The following ADGRB3 variants were observed in gnomAD, a reference collection of about 807,000 sequenced individuals.
ADGRB3 encodes adhesion G protein-coupled receptor B3.
ADGRB3 carries 37 observed loss-of-function variants against 193.4 expected under a neutral mutation model. That is an observed-to-expected ratio of 0.19 (90% CI 0.15 to 0.25). The LOEUF (loss-of-function observed/expected upper bound fraction) is 0.25. Ranked by LOEUF, ADGRB3 falls within the 10% of genes least tolerant of loss-of-function variation. The pLI, the probability that ADGRB3 is intolerant of heterozygous loss-of-function variation, is 1.00. For missense variants in ADGRB3, 1,637 were observed against 1,852.9 expected, an observed-to-expected ratio of 0.88 and a Z score of 2.14; for synonymous variants, 690 against 644.2, an observed-to-expected ratio of 1.07 and a Z score of -1.08.
At chr6:69,344,821 T>C (rs1349767623) in intron 26 of ADGRB3, among the ~76,000 whole-genome samples, 2 of 151,978 alleles carry the variant, frequency 1.3e-5, no homozygotes, top group Middle Eastern at 3.4e-3. Context: ...AACAATGAGG[T>C]TGGAAGATTA....
At chr6:68,876,342 A>G (rs1320782585) in intron 3 of ADGRB3, among the ~76,000 whole-genome samples, 2 of 152,138 alleles carry the variant, frequency 1.3e-5, no homozygotes, top group Non-Finnish European at 2.9e-5. Flanking sequence ...CAAAGAGATG[A>G]TCAGGCTGTG....
At chr6:68,879,684 T>C (rs1254217821) in intron 3 of ADGRB3, among the ~76,000 whole-genome samples, 2 of 152,184 alleles carry the variant, frequency 1.3e-5, no homozygotes, top group African/African-American at 4.8e-5. Context: ...GAACTTTCTT[T>C]GTTGCAACAT....
chr6:69,199,482 G>T (rs1434178744), intron 17 of ADGRB3, among the ~76,000 whole-genome samples: 1 of 152,014 alleles, frequency 6.6e-6, no homozygotes, highest in African/African-American at 2.4e-5. Context: ...TATGATCATT[G>T]TTCAAGAAAC....
At chr6:69,039,283 A>G (rs990281570) in intron 13 of ADGRB3, among the ~76,000 whole-genome samples, 8 of 152,082 alleles carry the variant, frequency 5.3e-5, no homozygotes, top group African/African-American at 1.9e-4. Context: ...TTAGTTTGCT[A>G]AGATCTATGA....
At chr6:68,690,125 G>C (rs1291509870) in intron 3 of ADGRB3, among the ~76,000 whole-genome samples, 2 of 152,144 alleles carry the variant, frequency 1.3e-5, no homozygotes, top group African/African-American at 4.8e-5. Context: ...TGAGCAAGTA[G>C]GGTTGTCTGC....
chr6:69,295,844 G>A (rs941159780), intron 20 of ADGRB3, among the ~76,000 whole-genome samples: 1 of 152,120 alleles, frequency 6.6e-6, no homozygotes, highest in African/African-American at 2.4e-5. Context: ...AATTGAAGAG[G>A]TGCTGGTTCA....
chr6:68,894,518 G>A (rs1766166784), intron 3 of ADGRB3, among the ~76,000 whole-genome samples: 1 of 151,880 alleles, frequency 6.6e-6, no homozygotes, highest in South Asian at 2.1e-4. Context: ...ATTATGGAAT[G>A]AGCCCTCAAA....
chr6:68,882,206 A>G (rs928597116), intron 3 of ADGRB3, among the ~76,000 whole-genome samples: 3 of 152,214 alleles, frequency 2.0e-5, no homozygotes, highest in African/African-American at 7.2e-5. Flanking sequence ...GATTATCAGT[A>G]ATTGCTCTAT....
At chr6:69,233,000 C>T (rs1349538827) in intron 17 of ADGRB3, 1 of 440,802 alleles carries the variant, frequency 2.3e-6, no homozygotes, top group African/African-American at 2.0e-5. Context: ...CCGCCGCTGC[C>T]GCTGCTGTTC....
intron 17 of ADGRB3, among the ~76,000 whole-genome samples, chr6:69,112,022 G>A (rs1363305728): frequency 3.3e-5 from 5 of 152,206 alleles, no homozygotes; most frequent in Non-Finnish European, 7.3e-5. Context: ...TGGCAGATAG[G>A]CTCTGTGATA....
chr6:69,352,449 A>T (rs1283184111), intron 26 of ADGRB3, among the ~76,000 whole-genome samples: 1 of 152,260 alleles, frequency 6.6e-6, no homozygotes, highest in Non-Finnish European at 1.5e-5. Context: ...GTATCAGGTA[A>T]TGCATTCTTT....
chr6:69,064,969 G>A (rs1771857797), intron 16 of ADGRB3, among the ~76,000 whole-genome samples: 1 of 152,062 alleles, frequency 6.6e-6, no homozygotes, highest in Non-Finnish European at 1.5e-5. Flanking sequence ...TATAAACCAT[G>A]TACTAAAAAT....
chr6:69,198,268 GC>G (rs1765342223), intron 17 of ADGRB3, among the ~76,000 whole-genome samples: 1 of 152,030 alleles, frequency 6.6e-6, no homozygotes, highest in South Asian at 2.1e-4. Flanking sequence ...GAAAAACTAG[GC>G]ACTCAAGACA....
chr6:68,973,884 C>G (rs1768659254), intron 8 of ADGRB3, among the ~76,000 whole-genome samples: 1 of 152,238 alleles, frequency 6.6e-6, no homozygotes, highest in South Asian at 2.1e-4. Flanking sequence ...CTCATTCTTT[C>G]ACTACTATTT....
At chr6:69,200,640 G>C (rs1765400335) in intron 17 of ADGRB3, among the ~76,000 whole-genome samples, 1 of 152,072 alleles carries the variant, frequency 6.6e-6, no homozygotes, top group Non-Finnish European at 1.5e-5. Context: ...GATGGAAGCA[G>C]CTGTGAGATC....
At chr6:68,692,688 G>T (rs1407086597) in intron 3 of ADGRB3, among the ~76,000 whole-genome samples, 1 of 151,446 alleles carries the variant, frequency 6.6e-6, no homozygotes, top group African/African-American at 2.4e-5. Flanking sequence ...TATCCCTAAG[G>T]CTTCCTTTGC....
intron 17 of ADGRB3, among the ~76,000 whole-genome samples, chr6:69,155,629 C>G (rs1774813912): frequency 6.6e-6 from 1 of 152,272 alleles, no homozygotes; most frequent in South Asian, 2.1e-4. Flanking sequence ...TTATTACTAT[C>G]AATCCCAATC....
chr6:69,280,008 C>T (rs983422281), intron 20 of ADGRB3, among the ~76,000 whole-genome samples: 7 of 152,160 alleles, frequency 4.6e-5, no homozygotes, highest in Non-Finnish European at 8.8e-5. Flanking sequence ...GAGGCGTCTG[C>T]GCTCCTGTTT....
chr6:69,310,742 A>G, intron 20 of ADGRB3, among the ~76,000 whole-genome samples: 1 of 151,730 alleles, frequency 6.6e-6, no homozygotes, highest in South Asian at 2.1e-4. Context: ...ATTTTCTTAC[A>G]TTGGATACTC....
Sources: gnomAD v4.1 joint callset for allele counts (sites outside exome capture counted in the v4.1 genomes callset) on GRCh38, gnomAD v4.1.1 for gene constraint, MANE v1.5 for transcripts, NCBI Gene and HGNC (gene_info 2026-07-23, HGNC 2026-07-21) for gene names.